The following ZNF292 variants were observed in gnomAD, a reference collection of about 807,000 sequenced individuals.
ZNF292 encodes the protein 16 zinc-finger domain protein.
ZNF292 carries 26 observed loss-of-function variants against 217.9 expected under a neutral mutation model. The observed-to-expected ratio is 0.12, with a 90% CI of 0.09 to 0.17. The LOEUF is 0.17. Among genes scored for constraint, ZNF292 ranks in the 10% least tolerant of loss-of-function variants. ZNF292 has a pLI of 1.00. For synonymous variants in ZNF292, 1,257 were observed against 1,124.1 expected (o/e 1.12, Z -2.37); for missense variants, 2,904 against 3,175.2 (o/e 0.91, Z 2.05).
chr6:87,256,490 A>G lies in ZNF292; in HGVS notation c.2861A>G (p.Gln954Arg), dbSNP rs1270483935. The G allele has an allele frequency of 1.9e-6, 3 of 1,611,484 alleles. No individual in the cohort carries two copies. The highest frequency in any genetic ancestry group is 2.5e-6 in the Non-Finnish European group (3 of 1,179,840). The change falls in exon 8 of 8, where the codon CAA becomes CGA. Residue 954 changes from glutamine to arginine, a missense_variant. This residue lies in a region of ZNF292 where 687 missense variants were observed against 623.0 expected (regional missense o/e 1.10). Transcript: ENST00000369577. ...NQGIEDNFGK[Q>R]ENSTVEGSGE... ...GGGATTGAGGATAACTTTGGAAAGC[A>G]AGAAAACTCAACTGTGGAAGGCAGT...
chr6:87,203,993 T>C (rs1270995688), intron 1 of ZNF292, among the ~76,000 whole-genome samples: 1 of 152,200 alleles, frequency 6.6e-6, no homozygotes, highest in Non-Finnish European at 1.5e-5. Flanking sequence ...TCATCCATAA[T>C]GTGTACCACC....
intron 1 of ZNF292, 33 bp from the exon 2 acceptor site, chr6:87,215,870 T>G (rs1473311943): frequency 4.6e-6 from 7 of 1,530,452 alleles, no homozygotes; most frequent in Non-Finnish European, 6.1e-6. Context: ...TGATTTACAT[T>G]TTGAATACTT....
intron 1 of ZNF292, among the ~76,000 whole-genome samples, chr6:87,199,532 C>G (rs929537136): frequency 1.3e-5 from 2 of 152,002 alleles, no homozygotes; most frequent in Non-Finnish European, 2.9e-5. Flanking sequence ...AAAAATAGAT[C>G]ATGTTTGGTG....
At position 87,155,604 on chromosome 6, in the gene ZNF292, G is replaced by A. The variant is rs757553585; in HGVS notation, c.13G>A (p.Glu5Lys). 1.9e-6 allele frequency: 3 copies of A among 1,581,092 alleles called. No individual in the cohort carries two copies. Among genetic ancestry groups the A allele is most frequent in the East Asian group, 4.6e-5 (2 of 43,316 alleles). ...GCGGGGTGTGAAGATGGCGGACGAA[G>A]AGGCCGAGCAGGAGAGGTTGAGTTG... MADEEAEQERLSCGE... is the reference protein window; with the variant it reads MADEKAEQERLSCGE... The change falls in exon 1 of 8, where the codon GAG becomes AAG. Residue 5 changes from glutamate to lysine, a missense_variant. Coordinates refer to ENST00000369577, the MANE Select transcript of ZNF292 (RefSeq NM_015021.3).
At chr6:87,177,787 T>C (rs1019946904) in intron 1 of ZNF292, among the ~76,000 whole-genome samples, 1 of 152,230 alleles carries the variant, frequency 6.6e-6, no homozygotes, top group African/African-American at 2.4e-5. Flanking sequence ...TTTGTAAGGA[T>C]TAAATGAGGC....
chr6:87,177,276 G>A (rs1771332811), intron 1 of ZNF292, among the ~76,000 whole-genome samples: 1 of 150,536 alleles, frequency 6.6e-6, no homozygotes, highest in African/African-American at 2.4e-5. Flanking sequence ...GCAGTGAGCC[G>A]AGATCGCACC....
chr6:87,234,913 G>C (rs116833823), intron 5 of ZNF292, among the ~76,000 whole-genome samples: 84 of 152,208 alleles, frequency 5.5e-4, no homozygotes, highest in African/African-American at 2.0e-3. Context: ...CAAGTGGTAG[G>C]CTTGGACCAA....
intron 4 of ZNF292, chr6:87,222,895 G>A: frequency 2.2e-6 from 1 of 447,094 alleles, no homozygotes; most frequent in Admixed American, 2.4e-5. Flanking sequence ...TACTGGTCAG[G>A]TATTTTGTAG....
Position 87,259,538 on chromosome 6 carries a change from T to C in ZNF292, c.5909T>C (p.Leu1970Ser). 6.3e-7 allele frequency: 1 copy of C among 1,585,018 alleles called. No homozygotes were observed. ...TCTAACCTCCGGGCACACTGTCAGTTGGTGCATCATTTTACAACTGAAGAA... is the reference window on the plus strand; with the variant it reads ...TCTAACCTCCGGGCACACTGTCAGTCGGTGCATCATTTTACAACTGAAGAA... ...RNSNLRAHCQ[L>S]VHHFTTEEMV... is the part of the protein sequence containing the mutation. The change falls in exon 8 of 8, where the codon TTG becomes TCG. Residue 1970 changes from leucine to serine, a missense_variant. Physicochemically the swap from Leu to Ser is moderately radical, Grantham distance 145 (BLOSUM62 -2). Around this residue, in one of 15 missense-constraint regions of ZNF292, gnomAD observed 50 missense variants for 90.5 expected, o/e 0.55. Transcript: ENST00000369577.
chr6:87,235,549 G>T (rs1286075320), intron 5 of ZNF292, among the ~76,000 whole-genome samples: 2 of 150,886 alleles, frequency 1.3e-5, no homozygotes, highest in African/African-American at 4.9e-5. Flanking sequence ...GTGAATCTGT[G>T]TCTCAAGTAA....
intron 1 of ZNF292, chr6:87,215,056 G>A (rs1167498265): frequency 1.3e-5 from 2 of 152,010 alleles, no homozygotes; most frequent in Non-Finnish European, 2.9e-5. Context: ...CTGAAGTGTG[G>A]AGAGGACCAA....
intron 1 of ZNF292, among the ~76,000 whole-genome samples, chr6:87,193,587 C>T (rs1771878069): frequency 6.6e-6 from 1 of 151,930 alleles, no homozygotes; most frequent in Non-Finnish European, 1.5e-5. Flanking sequence ...TTCAGTGTCC[C>T]CAAGGGAAAA....
intron 1 of ZNF292, among the ~76,000 whole-genome samples, chr6:87,185,778 T>C (rs2127780405): frequency 6.6e-6 from 1 of 152,254 alleles, no homozygotes; most frequent in East Asian, 1.9e-4. Flanking sequence ...CCTCTATTTT[T>C]CTTACTTTTT....
intron 4 of ZNF292, among the ~76,000 whole-genome samples, chr6:87,228,797 T>C (rs1280972973): frequency 6.6e-6 from 1 of 152,206 alleles, no homozygotes; most frequent in Non-Finnish European, 1.5e-5. Flanking sequence ...TGTCTGTCTT[T>C]ATGCCAGTAT....
chr6:87,167,154 G>GA (rs1770944475), intron 1 of ZNF292, among the ~76,000 whole-genome samples: 1 of 152,138 alleles, frequency 6.6e-6, no homozygotes, highest in South Asian at 2.1e-4. Context: ...TGAACTGCAG[G>GA]AAAAATCATT....
At chr6:87,198,443 A>G (rs1205063959) in intron 1 of ZNF292, among the ~76,000 whole-genome samples, 3 of 152,100 alleles carry the variant, frequency 2.0e-5, no homozygotes, top group Non-Finnish European at 2.9e-5. Context: ...TCACCTCGTG[A>G]TCCGCCCGCC....
rs72098361 is a variant in ZNF292, at chr6:87,265,089, T to TTCTC, written c.*3304_*3307dup. Among the ~76,000 whole-genome samples, 9 of 151,310 alleles carry TTCTC rather than the reference T, an allele frequency of 5.9e-5. No individual in the cohort carries two copies. Among genetic ancestry groups the TTCTC allele is most frequent in the African/African-American group, 1.2e-4 (5 of 41,130 alleles). ...AAGTTTTCTAAATTGTGTGCTGTAGTTCTCTCTCTCTCTCTCTCTTTTTTT... is the reference window on the plus strand; with the variant it reads ...AAGTTTTCTAAATTGTGTGCTGTAGTTCTCTCTCTCTCTCTCTCTCTCTTTTTTT... On this transcript the variant is annotated 3_prime_UTR_variant, in exon 8 of 8. Coordinates refer to ENST00000369577, the MANE Select transcript of ZNF292 (RefSeq NM_015021.3).
intron 5 of ZNF292, among the ~76,000 whole-genome samples, chr6:87,238,640 T>TTTTTTTA (rs1491139803): frequency 3.0e-5 from 1 of 33,360 alleles, no homozygotes; most frequent in Non-Finnish European, 5.5e-5. Context: ...TAAGTATTTA[T>TTTTTTTA]TTTTTTTATT....
rs752811069 is a variant in ZNF292 at position 87,255,204 on chromosome 6, A to G, written c.1575A>G (p.Arg525=). The change falls in exon 8 of 8, where the codon AGA becomes AGG. Residue 525 remains arginine, a synonymous_variant. Transcript: ENST00000369577. ...AGAAGAGAGAGATAAAACAGTTAAGAGAGAGGGGATTTATATCTGCTCGGT... is the reference window on the plus strand; with the variant it reads ...AGAAGAGAGAGATAAAACAGTTAAGGGAGAGGGGATTTATATCTGCTCGGT... ...KQKKREIKQL[R]ERGFISARFR... 10 of 1,613,858 alleles carry G rather than the reference A, an allele frequency of 6.2e-6. No individual in the cohort carries two copies. The highest frequency in any genetic ancestry group is 8.5e-6 in the Non-Finnish European group (10 of 1,179,840).
Sources: allele counts gnomAD v4.1 joint callset (sites outside exome capture counted in the v4.1 genomes callset), GRCh38; gene constraint gnomAD v4.1.1; regional missense constraint gnomAD v4.1.1; transcripts MANE v1.5; gene names NCBI Gene and HGNC (gene_info 2026-07-23, HGNC 2026-07-21).